RAD21: variants seen among roughly 807,000 people sequenced by gnomAD.
RAD21 encodes RAD21 cohesin complex component.
RAD21 carries 18 observed loss-of-function variants against 71.5 expected under a neutral mutation model. The ratio of observed to expected loss-of-function variants is 0.25; its 90% CI spans 0.17 to 0.37. The LOEUF is 0.37. Ranked by LOEUF, RAD21 falls within the 10% of genes least tolerant of loss-of-function variation. The pLI is 1.00. For synonymous variants in RAD21, 248 were observed against 254.0 expected (o/e 0.98, Z 0.22); for missense variants, 493 against 769.1 (o/e 0.64, Z 4.25).
chr8:116,857,511 T>C lies in RAD21; in HGVS notation c.482-38A>G, dbSNP rs765429930. 5 of 1,531,684 alleles carry C rather than the reference T, an allele frequency of 3.3e-6. No homozygotes were observed. In the South Asian group the frequency reaches 3.4e-5, roughly 10 times the overall value. 94.9% of individuals were successfully genotyped at this position (1,531,684 alleles called of 1,614,324 possible). A position where few individuals can be genotyped will look rare whatever the true frequency, so the allele number is the denominator to read the frequency against. On this transcript the variant is annotated intron_variant, in intron 5 of 13. Coordinates refer to ENST00000297338, the MANE Select transcript of RAD21 (RefSeq NM_006265.3). ...TAATTTGTCATTAGTTTAGAAAGAT[T>C]AGAAATAGCACTGTGATAAAAGAAA...
At chr8:116,848,542 A>C (rs1350949120) in intron 13 of RAD21, among the ~76,000 whole-genome samples, 2 of 152,186 alleles carry the variant, frequency 1.3e-5, no homozygotes, top group Non-Finnish European at 2.9e-5. Flanking sequence ...AGCACAAGGA[A>C]AAGTAACGTC....
At chr8:116,870,493 T>C (rs1478829920) in intron 1 of RAD21, among the ~76,000 whole-genome samples, 1 of 152,252 alleles carries the variant, frequency 6.6e-6, no homozygotes, top group East Asian at 1.9e-4. Flanking sequence ...TGTTATTTTA[T>C]AGATTAAAAC....
intron 9 of RAD21, among the ~76,000 whole-genome samples, chr8:116,853,990 A>C (rs1812411631): frequency 6.6e-6 from 1 of 152,222 alleles, no homozygotes; most frequent in Admixed American, 6.5e-5. Flanking sequence ...TATTACAGAG[A>C]GAAGTATTAT....
In RAD21 at chr8:116,858,389, T is replaced by A; in HGVS notation, c.444A>T (p.Glu148Asp). Residue 148 changes from glutamate (E) to aspartate (D), a missense_variant, in exon 5 of 14, where the codon GAA becomes GAT. Coordinates refer to ENST00000297338, the MANE Select transcript of RAD21 (RefSeq NM_006265.3). ...CTTGTAAAATACTGATGTTCCCAAC[T>A]TCTTCTCTCATGGTTATCTCTTCCA... ...SRVEEITMRE[E>D]VGNISILQEN... is the part of the protein sequence containing the mutation. 1 of 1,612,926 alleles carries A rather than the reference T, an allele frequency of 6.2e-7. No individual in the cohort carries two copies. The highest frequency in any genetic ancestry group is 8.5e-7 in the Non-Finnish European group (1 of 1,179,320).
chr8:116,859,020 A>G (rs1812529046), intron 4 of RAD21, among the ~76,000 whole-genome samples: 2 of 151,894 alleles, frequency 1.3e-5, no homozygotes. Context: ...GCAAAGCTGT[A>G]ATAGATTCTC....
intron 4 of RAD21, among the ~76,000 whole-genome samples, chr8:116,859,906 A>G (rs967387583): frequency 6.6e-6 from 1 of 152,218 alleles, no homozygotes; most frequent in Non-Finnish European, 1.5e-5. Context: ...ATGCAAAGGA[A>G]AAGTTCTTGA....
Position 116,846,827 on chromosome 8 carries a change from C to G in RAD21, c.*673G>C, listed in dbSNP as rs1057023173. Reference sequence around the variant, plus strand: ...CTAAAATAACAGATTTCAGTATAGCCAAGTTCATCAGAAAGACTCAAATGG... The same window carrying G: ...CTAAAATAACAGATTTCAGTATAGCGAAGTTCATCAGAAAGACTCAAATGG... On this transcript the variant is annotated 3_prime_UTR_variant, in exon 14 of 14. Transcript: ENST00000297338. 4.6e-6 allele frequency: 1 copy of G among 219,702 alleles called. No homozygotes were observed. Among genetic ancestry groups the G allele is most frequent in the African/African-American group, 2.2e-5 (1 of 44,570 alleles). 13.6% of individuals were successfully genotyped at this position (219,702 alleles called of 1,614,324 possible).
chr8:116,861,383 A>T (rs1812589966), intron 4 of RAD21, among the ~76,000 whole-genome samples: 1 of 151,110 alleles, frequency 6.6e-6, no homozygotes, highest in Non-Finnish European at 1.5e-5. Context: ...GTGTCATGAC[A>T]ATGACCCTTT....
In RAD21 at chr8:116,863,263, T is replaced by G; in HGVS notation, c.145-4A>C. The stretch of plus-strand genomic sequence containing the variant: ...ATGTCCGTAATGCCATTTTCACCTA[T>G]GAATAAAACATTAATCATATTCCAA... On this transcript the variant is annotated splice_polypyrimidine_tract_variant and splice_region_variant and intron_variant, in intron 2 of 13. Coordinates refer to ENST00000297338, the MANE Select transcript of RAD21 (RefSeq NM_006265.3). 6.2e-7 allele frequency: 1 copy of G among 1,607,416 alleles called. No individual in the cohort carries two copies. The highest frequency in any genetic ancestry group is 8.5e-7 in the Non-Finnish European group (1 of 1,175,746).
At chr8:116,849,334 A>G (rs2130453554) in intron 12 of RAD21, 1 of 301,332 alleles carries the variant, frequency 3.3e-6, no homozygotes, top group East Asian at 5.5e-5. Context: ...GCTGCTGATC[A>G]TGGAGGTTTT....
intron 1 of RAD21, among the ~76,000 whole-genome samples, chr8:116,872,693 G>C (rs1812854341): frequency 6.6e-6 from 1 of 152,194 alleles, no homozygotes; most frequent in Admixed American, 6.5e-5. Context: ...ATGCAGTTCA[G>C]TTTCCCTACT....
At chr8:116,868,398 T>C (rs756663237) in intron 1 of RAD21, among the ~76,000 whole-genome samples, 21 of 152,180 alleles carry the variant, frequency 1.4e-4, no homozygotes, top group Non-Finnish European at 2.9e-4. Flanking sequence ...CATTCACCTA[T>C]AGAAGGACAT....
intron 12 of RAD21, chr8:116,849,283 T>A (rs1031016931): frequency 2.1e-5 from 8 of 377,354 alleles, no homozygotes; most frequent in Non-Finnish European, 3.8e-5. Flanking sequence ...TATATTGCGC[T>A]ATAAGGATGC....
In RAD21 at chr8:116,852,628, A is replaced by T. The variant is rs75160167; in HGVS notation, c.1242T>A (p.Asp414Glu). 6.2e-7 allele frequency: 1 copy of T among 1,613,576 alleles called. No homozygotes were observed. Among genetic ancestry groups the T allele is most frequent in the Non-Finnish European group, 8.5e-7 (1 of 1,179,676 alleles). Reference protein sequence around the residue: ...RRKGGEADNLDEFLKEFENPE... With the variant: ...RRKGGEADNLEEFLKEFENPE... ...GATTTTCAAATTCTTTGAGGAATTCATCCAAATTATCTGCCTCTCCTCCTT... is the reference window on the plus strand; with the variant it reads ...GATTTTCAAATTCTTTGAGGAATTCTTCCAAATTATCTGCCTCTCCTCCTT... The change falls in exon 10 of 14, where the codon GAT becomes GAA. Residue 414 changes from aspartate (D) to glutamate (E), a missense_variant. Asp to Glu is a conservative substitution (Grantham distance 45, BLOSUM62 2). Transcript: ENST00000297338.
chr8:116,865,392 C>T lies in RAD21; in HGVS notation c.144+1194G>A, dbSNP rs567310374. 4.0e-4 allele frequency among the ~76,000 whole-genome samples: 61 copies of T among 151,996 alleles called. 2 individuals are homozygous for T. In the South Asian group the frequency reaches 0.01, roughly 26 times the overall value. ...CACATATACTTTCCAGAAAGGAGTA[C>T]GATTTCTACGTTTTCCATTAACTTA... is the stretch of plus-strand genomic sequence containing the variant. On this transcript the variant is annotated intron_variant, in intron 2 of 13. Coordinates refer to ENST00000297338, the MANE Select transcript of RAD21 (RefSeq NM_006265.3).
Position 116,856,202 on chromosome 8 carries a change from C to T in RAD21, c.901G>A (p.Glu301Lys), listed in dbSNP as rs2130466248. Residue 301 changes from glutamate to lysine, a missense_variant, in exon 8 of 14, where the codon GAA becomes AAA. Around this residue, in one of 5 missense-constraint regions of RAD21, gnomAD observed 165 missense variants for 229.6 expected, o/e 0.72. Transcript: ENST00000297338. Reference sequence around the variant, plus strand: ...ATAGGCTCCAATGCAAATGCTTCTTCCTCATTTGGAACAAGTGTTGTTTGA... The same window carrying T: ...ATAGGCTCCAATGCAAATGCTTCTTTCTCATTTGGAACAAGTGTTGTTTGA... ...TDQTTLVPNEEEAFALEPIDI... is the reference protein window; with the variant it reads ...TDQTTLVPNEKEAFALEPIDI... 1 of 1,608,324 alleles carries T rather than the reference C, an allele frequency of 6.2e-7. No individual in the cohort carries two copies. Among genetic ancestry groups the T allele is most frequent in the Non-Finnish European group, 8.5e-7 (1 of 1,177,704 alleles).
chr8:116,862,320 A>C (rs2130477942), intron 3 of RAD21, among the ~76,000 whole-genome samples: 1 of 152,190 alleles, frequency 6.6e-6, no homozygotes, highest in Middle Eastern at 3.4e-3. Context: ...AATTTTCTTT[A>C]TCTTTTTCCT....
chr8:116,865,416 T>C (rs537837135), intron 2 of RAD21, among the ~76,000 whole-genome samples: 1 of 145,982 alleles, frequency 6.9e-6, no homozygotes, highest in South Asian at 2.3e-4. Flanking sequence ...TCCATTAACT[T>C]ATCCCAGTAA....
chr8:116,849,761 CACAT>C (rs1470758007), intron 12 of RAD21, among the ~76,000 whole-genome samples: 1 of 152,142 alleles, frequency 6.6e-6, no homozygotes, highest in Non-Finnish European at 1.5e-5. Context: ...CACATCCTCA[CACAT>C]AGGTAGAAGT....
Sources: gnomAD v4.1 joint callset for allele counts (sites outside exome capture counted in the v4.1 genomes callset) on GRCh38, gnomAD v4.1.1 for gene constraint, gnomAD v4.1.1 regional missense constraint, MANE v1.5 for transcripts, NCBI Gene and HGNC (gene_info 2026-07-23, HGNC 2026-07-21) for gene names.